GSDMD: variants seen among roughly 807,000 people sequenced by gnomAD.
GSDMD encodes gasdermin-D.
In GSDMD, 46 loss-of-function variants were observed where a neutral mutation model predicts 46.7. The observed-to-expected ratio is 0.99, with a 90% CI of 0.78 to 1.26. GSDMD has a LOEUF of 1.26. Among genes scored for constraint, GSDMD ranks in the 50% most tolerant of loss-of-function variants. The pLI, the probability that GSDMD is intolerant of heterozygous loss-of-function variation, is 0.00. For synonymous variants in GSDMD, 307 were observed against 283.1 expected, an observed-to-expected ratio of 1.08 and a Z score of -0.85; for missense variants, 649 against 638.8, an observed-to-expected ratio of 1.02 and a Z score of -0.17.
chr8:143,557,434 C>CGCTATGATGAAGGATGCTGCT (rs1823331952), upstream of GSDMD, among the ~76,000 whole-genome samples: 4 of 124,730 alleles, frequency 3.2e-5, no homozygotes, highest in African/African-American at 6.0e-5. Context: ...AGGATGCTGC[C>CGCTATGATGAAGGATGCTGCT]GCTGTGACGA....
chr8:143,557,718 A>G (rs536019955), upstream of GSDMD, among the ~76,000 whole-genome samples: 4 of 152,166 alleles, frequency 2.6e-5, no homozygotes, highest in Admixed American at 1.3e-4. Flanking sequence ...CTGGTTATTC[A>G]CCTTTAGTAA....
At chr8:143,556,257 G>A (rs1262021650), upstream of GSDMD, among the ~76,000 whole-genome samples, 1 of 152,200 alleles carries the variant, frequency 6.6e-6, no homozygotes, top group Non-Finnish European at 1.5e-5. Context: ...GTACATGCCT[G>A]TAGTCCCAAC....
upstream of GSDMD, among the ~76,000 whole-genome samples, chr8:143,554,464 C>T (rs974042126): frequency 6.6e-6 from 1 of 151,292 alleles, no homozygotes; most frequent in African/African-American, 2.4e-5. Context: ...CATGCACACG[C>T]GCACATGTAC....
intron 1 of GSDMD, chr8:143,558,803 C>A (rs2130564250): frequency 3.4e-6 from 2 of 582,258 alleles, no homozygotes; most frequent in South Asian, 3.0e-5. Flanking sequence ...GGCCCAGGTG[C>A]CCCCTATCCC....
rs778204427 is a variant in GSDMD at position 143,561,124 on chromosome 8, G to A, written c.682+20G>A. ...ACTTGGGTGAGCTGGAGTTGGGGGTGTCTCGGGCCCAGGCCCTGGCAGAGA... is the reference window on the plus strand; with the variant it reads ...ACTTGGGTGAGCTGGAGTTGGGGGTATCTCGGGCCCAGGCCCTGGCAGAGA... On this transcript the variant is annotated intron_variant, in intron 5 of 10. Transcript: ENST00000262580. 12 of 1,604,912 alleles carry A rather than the reference G, an allele frequency of 7.5e-6. No individual in the cohort carries two copies. The highest frequency in any genetic ancestry group is 1.0e-5 in the Non-Finnish European group (12 of 1,173,096).
chr8:143,558,917 G>A, intron 1 of GSDMD: 1 of 417,710 alleles, frequency 2.4e-6, no homozygotes, highest in South Asian at 1.8e-5. Context: ...CAGCTGGGGT[G>A]GGGCGACACT....
At chr8:143,557,026 C>A (rs577036019), upstream of GSDMD, among the ~76,000 whole-genome samples, 7 of 152,388 alleles carry the variant, frequency 4.6e-5, no homozygotes, top group African/African-American at 1.7e-4. Flanking sequence ...CGGGCACCGG[C>A]AGCGCCATCT....
chr8:143,558,503 GC>G, intron 1 of GSDMD, 52 bp downstream of exon 1: 1 of 1,393,208 alleles, frequency 7.2e-7, no homozygotes, highest in Non-Finnish European at 9.3e-7. Flanking sequence ...CCCGAGTGGG[GC>G]CGGCCGCTGG....
chr8:143,562,840 G>A lies in GSDMD; in HGVS notation c.1391G>A (p.Gly464Asp), dbSNP rs1823501849. Residue 464 changes from glycine (G) to aspartate (D), a missense_variant, in exon 11 of 11, where the codon GGC becomes GAC. Transcript: ENST00000262580. ...PHVCWEPQAQ[G>D]RMCALYASLA... ...GTGTGCTGGGAGCCGCAGGCCCAGGGCCGCATGTGTGCACTCTACGCCTCC... is the reference window on the plus strand; with the variant it reads ...GTGTGCTGGGAGCCGCAGGCCCAGGACCGCATGTGTGCACTCTACGCCTCC... 6.2e-7 allele frequency: 1 copy of A among 1,611,940 alleles called. No individual in the cohort carries two copies. The highest frequency in any genetic ancestry group is 8.5e-7 in the Non-Finnish European group (1 of 1,179,668).
intron 1 of GSDMD, 41 bp from the exon 2 acceptor site, chr8:143,559,291 C>CCCCCCCCAG: frequency 1.3e-6 from 1 of 753,812 alleles, no homozygotes; most frequent in Non-Finnish European, 2.3e-6. Context: ...CCCTCCCGCC[C>CCCCCCCCAG]GCCCCGAGAG....
At chr8:143,557,603 C>A (rs537050743), upstream of GSDMD, among the ~76,000 whole-genome samples, 2 of 152,216 alleles carry the variant, frequency 1.3e-5, no homozygotes, top group Non-Finnish European at 2.9e-5. Context: ...CTGGGTCACA[C>A]GGTAACTCTT....
chr8:143,558,095 T>G, upstream of GSDMD: 4 of 487,132 alleles, frequency 8.2e-6, no homozygotes, highest in Non-Finnish European at 1.5e-5. Context: ...GGTTTCACCA[T>G]GTTGGTCAGT....
chr8:143,562,701 C>T lies in GSDMD; in HGVS notation c.1252C>T (p.Arg418Cys), dbSNP rs761937248. The change falls in exon 11 of 11, where the codon CGC (arginine) becomes TGC (cysteine). Residue 418 changes from arginine (R) to cysteine (C), a missense_variant. Arg to Cys is a radical substitution (Grantham distance 180). Coordinates refer to ENST00000262580, the MANE Select transcript of GSDMD (RefSeq NM_024736.7). Reference sequence around the variant, plus strand: ...GGAGCAGAGTGCCCCGTGGCAGGAGCGCAGCACCATGTCCCTGCCCCCCGG... The same window carrying T: ...GGAGCAGAGTGCCCCGTGGCAGGAGTGCAGCACCATGTCCCTGCCCCCCGG... ...LLEQSAPWQERSTMSLPPGLL... is the reference protein window; with the variant it reads ...LLEQSAPWQECSTMSLPPGLL... 1.5e-5 allele frequency: 24 copies of T among 1,601,620 alleles called. 1 individual carries two copies. Among genetic ancestry groups the T allele is most frequent in the South Asian group, 6.7e-5 (6 of 89,454 alleles).
chr8:143,561,393 A>C lies in GSDMD; in HGVS notation c.706A>C (p.Lys236Gln), dbSNP rs541556931. The part of the protein sequence containing the change: ...DLDVLLFPDK[K>Q]QRTFQPPATG... ...AGACGTCCTTCTCTTCCCGGATAAG[A>C]AGCAGAGGACCTTCCAGCCACCCGC... The change falls in exon 6 of 11, where the codon AAG (lysine) becomes CAG (glutamine). Residue 236 changes from lysine (K) to glutamine (Q), a missense_variant. By Grantham distance (53) the Lys-to-Gln change is moderately conservative (BLOSUM62 1). Transcript: ENST00000262580. The C allele has an allele frequency of 4.6e-5, 74 of 1,611,122 alleles. No homozygotes were observed. The South Asian group carries it at 6.8e-4, about 15-fold the overall frequency.
intron 6 of GSDMD, 143 bp from the exon 7 acceptor site, chr8:143,561,599 C>A (rs1823463062): frequency 1.1e-6 from 1 of 918,704 alleles, no homozygotes; most frequent in Non-Finnish European, 1.7e-6. Context: ...CCTGGGCCTC[C>A]CCAGCCTCCC....
chr8:143,558,433 CGGG>C lies in GSDMD; in HGVS notation c.-21_-19del. On this transcript the variant is annotated 5_prime_UTR_variant, in exon 1 of 11. Transcript: ENST00000262580. ...GCAGACGCGCCAGACGCGCCACCCT[CGGG>C]GCGCCGACGGTCACGGTGAGCTGCG... is the stretch of plus-strand genomic sequence containing the variant. 6.6e-7 allele frequency: 1 copy of C among 1,504,462 alleles called. No homozygotes were observed. The highest frequency in any genetic ancestry group is 1.7e-4 in the Middle Eastern group (1 of 5,850). 93.2% of individuals were successfully genotyped at this position (1,504,462 alleles called of 1,614,324 possible).
intron 5 of GSDMD, 71 bp downstream of exon 5, chr8:143,561,175 C>A: frequency 4.1e-6 from 6 of 1,465,192 alleles, no homozygotes; most frequent in Non-Finnish European, 5.7e-6. Context: ...GGAGAGCTAC[C>A]CGCCAGCTTG....
chr8:143,557,881 G>A (rs1823345778), upstream of GSDMD: 2 of 436,192 alleles, frequency 4.6e-6, no homozygotes, highest in Non-Finnish European at 4.5e-6. Flanking sequence ...TTCGGCACAG[G>A]CCCAAAGTTG....
rs779643264 is a variant in GSDMD at position 143,559,930 on chromosome 8, G to A, written c.371G>A (p.Ser124Asn). ...ACCTCAATGAATGTGTACTCGCTGAGTGTGGACCCTAACACCTGGCAGACT... is the reference window on the plus strand; with the variant it reads ...ACCTCAATGAATGTGTACTCGCTGAATGTGGACCCTAACACCTGGCAGACT... ...SSTSMNVYSL[S>N]VDPNTWQTLL... Residue 124 changes from serine to asparagine, a missense_variant, in exon 3 of 11, where the codon AGT becomes AAT. Ser to Asn is a conservative substitution (Grantham distance 46). Coordinates refer to ENST00000262580, the MANE Select transcript of GSDMD (RefSeq NM_024736.7). The A allele has an allele frequency of 8.7e-6, 14 of 1,612,700 alleles. 1 individual carries two copies. The South Asian group carries it at 1.5e-4, about 18-fold the overall frequency.
Sources: allele counts gnomAD v4.1 joint callset (sites outside exome capture counted in the v4.1 genomes callset), GRCh38; gene constraint gnomAD v4.1.1; transcripts MANE v1.5; gene names NCBI Gene and HGNC (gene_info 2026-07-23, HGNC 2026-07-21).